PPFIA2: variants seen among roughly 807,000 people sequenced by gnomAD.
The protein encoded by PPFIA2 is liprin-alpha-2.
In PPFIA2, 46 loss-of-function variants were observed where a neutral mutation model predicts 175.5. The observed-to-expected ratio is 0.26, with a 90% confidence interval of 0.21 to 0.34. The LOEUF is 0.34. PPFIA2 is among the 10% of genes least tolerant of loss of function. The probability of loss-of-function intolerance (pLI) is 1.00; values close to 1 mark genes in which losing one functional copy is unlikely to be tolerated. For missense variants in PPFIA2, 1,179 were observed against 1,506.1 expected (o/e 0.78, Z 3.60); for synonymous variants, 568 against 511.4 (o/e 1.11, Z -1.49).
chr12:81,459,702 C>A (rs903885240), intron 4 of PPFIA2, among the ~76,000 whole-genome samples: 4 of 152,128 alleles, frequency 2.6e-5, no homozygotes, highest in African/African-American at 4.8e-5. Context: ...ATGTTATAGG[C>A]CACAGAAAGC....
intron 6 of PPFIA2, among the ~76,000 whole-genome samples, chr12:81,442,121 T>TAA (rs1206180699): frequency 2.6e-5 from 4 of 152,012 alleles, no homozygotes; most frequent in African/African-American, 9.7e-5. Context: ...TTTTAAGGAG[T>TAA]AAAAGTTATC....
At chr12:81,492,136 G>A (rs1461947540) in intron 4 of PPFIA2, among the ~76,000 whole-genome samples, 4 of 151,034 alleles carry the variant, frequency 2.6e-5, no homozygotes, top group African/African-American at 9.7e-5. Flanking sequence ...TTTTTTTTAG[G>A]AAATAAAAGC....
At chr12:81,651,772 A>T (rs1205809960) in intron 4 of PPFIA2, among the ~76,000 whole-genome samples, 1 of 152,134 alleles carries the variant, frequency 6.6e-6, no homozygotes, top group Admixed American at 6.5e-5. Context: ...ATAAAATTGG[A>T]ATTAAACTCT....
intron 24 of PPFIA2, among the ~76,000 whole-genome samples, chr12:81,287,487 T>G (rs1006888192): frequency 2.0e-5 from 3 of 151,892 alleles, no homozygotes; most frequent in Non-Finnish European, 4.4e-5. Context: ...TGGCAAACTT[T>G]CAGAAGTTGT....
At chr12:81,485,176 A>C (rs956996631) in intron 4 of PPFIA2, among the ~76,000 whole-genome samples, 1 of 151,818 alleles carries the variant, frequency 6.6e-6, no homozygotes, top group African/African-American at 2.4e-5. Context: ...CAAATTTCTA[A>C]TTCAAAGTGA....
At chr12:81,266,702 T>C (rs1417763756) in intron 30 of PPFIA2, among the ~76,000 whole-genome samples, 1 of 152,194 alleles carries the variant, frequency 6.6e-6, no homozygotes, top group Non-Finnish European at 1.5e-5. Flanking sequence ...TCACGACTCA[T>C]AAAAATGTTT....
At chr12:81,312,602 C>T (rs138810388) in intron 22 of PPFIA2, among the ~76,000 whole-genome samples, 7 of 152,050 alleles carry the variant, frequency 4.6e-5, no homozygotes, top group African/African-American at 1.7e-4. Context: ...CTGCTAAGGC[C>T]CAAGAAAAAA....
At position 81,449,903 on chromosome 12, in the gene PPFIA2, C is replaced by A. The variant is rs183340321; in HGVS notation, c.406-4183G>T. 4.7e-5 allele frequency among the ~76,000 whole-genome samples: 7 copies of A among 149,486 alleles called. No individual in the cohort carries two copies. The East Asian group carries it at 1.2e-3, about 26-fold the overall frequency. ...AAACATGCGGTGTTTGGTTTTTTGT[C>A]CTTGCAATAGTTTGCTGAGAATGAT... On this transcript the variant is annotated intron_variant, in intron 5 of 32. Transcript: ENST00000549396.
At chr12:81,628,756 C>A (rs1212504305) in intron 4 of PPFIA2, among the ~76,000 whole-genome samples, 3 of 151,056 alleles carry the variant, frequency 2.0e-5, no homozygotes, top group Admixed American at 2.0e-4. Flanking sequence ...TCTCTTTTTT[C>A]TTTTTTCACT....
intron 4 of PPFIA2, among the ~76,000 whole-genome samples, chr12:81,629,222 A>C (rs1201469859): frequency 6.6e-6 from 1 of 152,150 alleles, no homozygotes; most frequent in Non-Finnish European, 1.5e-5. Context: ...ACTATAAAAA[A>C]TTTAGATTCC....
chr12:81,560,129 C>G (rs761726369), intron 4 of PPFIA2, among the ~76,000 whole-genome samples: 1 of 151,958 alleles, frequency 6.6e-6, no homozygotes, highest in Admixed American at 6.6e-5. Context: ...GTAAAAGAGA[C>G]AAAAGTAAGG....
intron 4 of PPFIA2, among the ~76,000 whole-genome samples, chr12:81,481,323 A>T (rs914878877): frequency 2.0e-5 from 3 of 152,226 alleles, no homozygotes; most frequent in African/African-American, 7.2e-5. Context: ...TGCCCAAGGT[A>T]ATTTATAGAT....
rs141132744 is a variant in PPFIA2, at chr12:81,286,623, C to T, written c.2926-2320G>A. 1.6e-3 allele frequency among the ~76,000 whole-genome samples: 237 copies of T among 151,952 alleles called. 1 individual carries two copies. The highest frequency in any genetic ancestry group is 5.1e-3 in the African/African-American group (212 of 41,496). On this transcript the variant is annotated intron_variant, in intron 24 of 32. Transcript: ENST00000549396. ...AGTATGCTCTATGGTACTCTCAAAA[C>T]GAAGAAATTGTTTCATGACTCATTT...
At chr12:81,415,965 T>C (rs1037748449) in intron 7 of PPFIA2, among the ~76,000 whole-genome samples, 1 of 151,510 alleles carries the variant, frequency 6.6e-6, no homozygotes, top group African/African-American at 2.4e-5. Flanking sequence ...TAACCATCTA[T>C]GTAGTTCCCT....
intron 4 of PPFIA2, among the ~76,000 whole-genome samples, chr12:81,638,748 C>A (rs1162660276): frequency 8.5e-6 from 1 of 117,418 alleles, no homozygotes; most frequent in African/African-American, 3.4e-5. Context: ...AGTGCAGTGG[C>A]GGGATCTCGG....
intron 4 of PPFIA2, among the ~76,000 whole-genome samples, chr12:81,472,333 T>C (rs955659654): frequency 1.3e-5 from 2 of 152,210 alleles, no homozygotes; most frequent in African/African-American, 4.8e-5. Flanking sequence ...ATTGCATTTT[T>C]AATGGCTGAA....
chr12:81,661,841 C>G (rs1276528980), intron 4 of PPFIA2, among the ~76,000 whole-genome samples: 1 of 152,122 alleles, frequency 6.6e-6, no homozygotes, highest in Non-Finnish European at 1.5e-5. Flanking sequence ...GAAATTATAA[C>G]AAACTGTCTC....
chr12:81,287,335 T>G (rs1218716113), intron 24 of PPFIA2, among the ~76,000 whole-genome samples: 1 of 151,984 alleles, frequency 6.6e-6, no homozygotes, highest in Admixed American at 6.6e-5. Flanking sequence ...ATGCATAGTA[T>G]CTTTCACAGA....
rs78979278 is a variant in PPFIA2 at position 81,528,364 on chromosome 12, G to A, written c.304-70498C>T. On this transcript the variant is annotated intron_variant, in intron 4 of 32. Transcript: ENST00000549396. ...ATTCCATGTTCCAGAATAGAATTAG[G>A]TAAAGTGTCAGCTTTCTACTGAAGA... Among the ~76,000 whole-genome samples the A allele has an allele frequency of 7.6e-3, 1,159 of 152,174 alleles. 14 individuals are homozygous for A. Among genetic ancestry groups the A allele is most frequent in the African/African-American group, 0.026 (1,066 of 41,540 alleles).
Sources: gnomAD v4.1 joint callset for allele counts (sites outside exome capture counted in the v4.1 genomes callset) on GRCh38, gnomAD v4.1.1 for gene constraint, MANE v1.5 for transcripts, NCBI Gene and HGNC (gene_info 2026-07-23, HGNC 2026-07-21) for gene names.